Variants in GPATCH2 observed in about 807,000 individuals in gnomAD.
GPATCH2 encodes G-patch domain containing 2.
Under a neutral mutation model 58.0 loss-of-function variants are expected in GPATCH2, and 51 were observed. The ratio of observed to expected loss-of-function variants is 0.88; its 90% CI spans 0.70 to 1.11. The LOEUF (loss-of-function observed/expected upper bound fraction) is 1.11. Ranked by LOEUF, GPATCH2 falls within the 50% of genes most tolerant of loss-of-function variation. The pLI is 0.00. For synonymous variants in GPATCH2, 222 were observed against 218.5 expected, an observed-to-expected ratio of 1.02 and a Z score of -0.14; for missense variants, 625 against 652.2, an observed-to-expected ratio of 0.96 and a Z score of 0.45.
At chr1:217,597,718 T>C (rs1667908741) in intron 5 of GPATCH2, among the ~76,000 whole-genome samples, 1 of 152,138 alleles carries the variant, frequency 6.6e-6, no homozygotes, top group Non-Finnish European at 1.5e-5. Context: ...GAAAATTCAG[T>C]GAAAGTCTGC....
At chr1:217,507,095 T>C (rs1662600124) in intron 6 of GPATCH2, among the ~76,000 whole-genome samples, 1 of 152,342 alleles carries the variant, frequency 6.6e-6, no homozygotes, top group South Asian at 2.1e-4. Context: ...TATTCACTAC[T>C]GTACACCCGG....
chr1:217,442,192 G>A (rs1253364682), intron 9 of GPATCH2, among the ~76,000 whole-genome samples: 1 of 152,096 alleles, frequency 6.6e-6, no homozygotes, highest in Non-Finnish European at 1.5e-5. Context: ...TCCTTTGCAG[G>A]GACTTGAATG....
At chr1:217,552,421 A>C (rs1302214551) in intron 5 of GPATCH2, among the ~76,000 whole-genome samples, 1 of 152,164 alleles carries the variant, frequency 6.6e-6, no homozygotes, top group African/African-American at 2.4e-5. Context: ...CCTAATACAA[A>C]TTCAATACTG....
chr1:217,581,210 T>C (rs948656286), intron 5 of GPATCH2, among the ~76,000 whole-genome samples: 3 of 152,172 alleles, frequency 2.0e-5, no homozygotes, highest in African/African-American at 7.2e-5. Context: ...GTTCTTACCC[T>C]TTATATGTTT....
intron 5 of GPATCH2, among the ~76,000 whole-genome samples, chr1:217,571,754 A>G (rs1335509504): frequency 2.0e-5 from 3 of 149,702 alleles, no homozygotes; most frequent in African/African-American, 7.3e-5. Flanking sequence ...TTAGCTGGGC[A>G]TGGTGGCACA....
chr1:217,574,009 T>C (rs935905295), intron 5 of GPATCH2, among the ~76,000 whole-genome samples: 2 of 152,186 alleles, frequency 1.3e-5, no homozygotes, highest in Admixed American at 1.3e-4. Context: ...AAATGATATC[T>C]GAGAAAATGA....
At chr1:217,432,774 CTT>C (rs1658605565) in intron 9 of GPATCH2, among the ~76,000 whole-genome samples, 1 of 152,136 alleles carries the variant, frequency 6.6e-6, no homozygotes, top group South Asian at 2.1e-4. Context: ...GAAAGTCTAT[CTT>C]AAAAGAACCT....
intron 7 of GPATCH2, among the ~76,000 whole-genome samples, chr1:217,496,709 A>G (rs893447886): frequency 6.6e-6 from 1 of 152,204 alleles, no homozygotes; most frequent in Non-Finnish European, 1.5e-5. Context: ...CACACACAAA[A>G]CAAGGTTATG....
chr1:217,430,806 G>T lies in GPATCH2; in HGVS notation c.*339C>A. The T allele has an allele frequency of 3.8e-6, 1 of 266,606 alleles. No homozygotes were observed. The highest frequency in any genetic ancestry group is 7.1e-6 in the Non-Finnish European group (1 of 140,180). 16.5% of individuals were successfully genotyped at this position (266,606 alleles called of 1,614,324 possible). A position where few individuals can be genotyped will look rare whatever the true frequency, so the allele number is the denominator to read the frequency against. ...CTGGTGGGTGTGCTCACGTTTGTCT[G>T]GGCATTGCAGCACTGCACACATACA... is the stretch of plus-strand genomic sequence containing the variant. On this transcript the variant is annotated 3_prime_UTR_variant, in exon 10 of 10. Transcript: ENST00000366935.
intron 6 of GPATCH2, among the ~76,000 whole-genome samples, chr1:217,511,618 T>C (rs989435727): frequency 3.9e-5 from 6 of 152,144 alleles, no homozygotes; most frequent in Admixed American, 3.9e-4. Context: ...GGGAAGCATA[T>C]AACTAAAACT....
intron 5 of GPATCH2, among the ~76,000 whole-genome samples, chr1:217,568,726 T>C (rs1455715437): frequency 6.6e-6 from 1 of 152,122 alleles, no homozygotes; most frequent in Non-Finnish European, 1.5e-5. Context: ...GGCTTTGATA[T>C]AGGGTCTTGT....
intron 5 of GPATCH2, among the ~76,000 whole-genome samples, chr1:217,567,387 A>G (rs1210343213): frequency 2.0e-5 from 3 of 152,160 alleles, no homozygotes; most frequent in African/African-American, 7.2e-5. Flanking sequence ...GCTTAAGAGT[A>G]TTGGCCCTTC....
intron 9 of GPATCH2, among the ~76,000 whole-genome samples, chr1:217,443,174 T>C (rs1273977137): frequency 2.0e-5 from 3 of 152,208 alleles, no homozygotes; most frequent in Admixed American, 2.0e-4. Flanking sequence ...TTGCTCACCA[T>C]TACTTCCTGA....
At chr1:217,478,035 T>G (rs150293732) in intron 8 of GPATCH2, among the ~76,000 whole-genome samples, 175 of 152,308 alleles carry the variant, frequency 1.1e-3, no homozygotes, top group African/African-American at 4.0e-3. Flanking sequence ...TTCTCCCAGA[T>G]CTTGTCCGAG....
chr1:217,524,072 G>T (rs1663662793), intron 5 of GPATCH2, among the ~76,000 whole-genome samples: 2 of 150,050 alleles, frequency 1.3e-5, no homozygotes, highest in Non-Finnish European at 3.0e-5. Flanking sequence ...TGGCCAGGCG[G>T]GGGGCTGACC....
intron 8 of GPATCH2, among the ~76,000 whole-genome samples, chr1:217,463,747 G>A (rs1032447869): frequency 6.6e-6 from 1 of 150,628 alleles, no homozygotes; most frequent in African/African-American, 2.4e-5. Flanking sequence ...TTGAGCCCAG[G>A]AGTTCAAGGT....
chr1:217,546,487 CCAGACAGA>C (rs1428644332), intron 5 of GPATCH2, among the ~76,000 whole-genome samples: 1 of 152,150 alleles, frequency 6.6e-6, no homozygotes, highest in Non-Finnish European at 1.5e-5. Flanking sequence ...CTATGACAAA[CCAGACAGA>C]AACAAGCAAT....
intron 5 of GPATCH2, among the ~76,000 whole-genome samples, chr1:217,565,717 A>G (rs1666191514): frequency 1.3e-5 from 2 of 151,928 alleles, no homozygotes; most frequent in Non-Finnish European, 2.9e-5. Context: ...TAAGGAATAT[A>G]TTTAAGGCTT....
chr1:217,617,339 C>G (rs1399734468), intron 2 of GPATCH2, among the ~76,000 whole-genome samples: 4 of 152,204 alleles, frequency 2.6e-5, no homozygotes, highest in African/African-American at 9.7e-5. Flanking sequence ...AGTCTTACTA[C>G]TTGCTTTAAA....
Sources: gnomAD v4.1 joint callset for allele counts (sites outside exome capture counted in the v4.1 genomes callset) on GRCh38, gnomAD v4.1.1 for gene constraint, MANE v1.5 for transcripts, NCBI Gene and HGNC (gene_info 2026-07-23, HGNC 2026-07-21) for gene names.